GPC5: variants seen among roughly 807,000 people sequenced by gnomAD.
GPC5 encodes the protein glypican 5.
GPC5 carries 47 observed loss-of-function variants against 53.9 expected under a neutral mutation model. The ratio of observed to expected loss-of-function variants is 0.87; its 90% confidence interval spans 0.69 to 1.11. GPC5 has a LOEUF of 1.11. Among genes scored for constraint, GPC5 ranks in the 50% most tolerant of loss-of-function variants. The probability of loss-of-function intolerance (pLI) is 0.00; values close to 1 mark genes in which losing one functional copy is unlikely to be tolerated. For synonymous variants in GPC5, 286 were observed against 263.3 expected (o/e 1.09, Z -0.84); for missense variants, 748 against 713.1 (o/e 1.05, Z -0.56).
intron 3 of GPC5, among the ~76,000 whole-genome samples, chr13:91,695,077 C>T (rs2035850833): frequency 1.3e-5 from 2 of 152,166 alleles, no homozygotes. Context: ...AGAAATGACA[C>T]CTCCTTTAGG....
intron 7 of GPC5, among the ~76,000 whole-genome samples, chr13:92,487,608 C>G (rs1254863543): frequency 6.6e-6 from 1 of 152,004 alleles, no homozygotes; most frequent in African/African-American, 2.4e-5. Context: ...TATCATTGAA[C>G]AGTGGAAGTG....
chr13:92,388,081 T>G (rs1874820480), intron 7 of GPC5, among the ~76,000 whole-genome samples: 1 of 152,106 alleles, frequency 6.6e-6, no homozygotes, highest in Non-Finnish European at 1.5e-5. Context: ...CCTCTTAAAG[T>G]ATATCCTTTT....
intron 5 of GPC5, among the ~76,000 whole-genome samples, chr13:91,849,550 G>A (rs1203966228): frequency 6.6e-6 from 1 of 151,872 alleles, no homozygotes; most frequent in Non-Finnish European, 1.5e-5. Flanking sequence ...TGTGTATTCT[G>A]TTTGAATTAC....
intron 6 of GPC5, among the ~76,000 whole-genome samples, chr13:92,025,331 C>A (rs1293438798): frequency 6.6e-6 from 1 of 152,066 alleles, no homozygotes; most frequent in Non-Finnish European, 1.5e-5. Context: ...CTCTTCCACC[C>A]CTGATCTCTC....
At chr13:91,950,315 C>T (rs2040015821) in intron 6 of GPC5, among the ~76,000 whole-genome samples, 1 of 145,054 alleles carries the variant, frequency 6.9e-6, no homozygotes, top group Non-Finnish European at 1.5e-5. Context: ...CATTCTCTTC[C>T]TTCAGCCTGG....
At chr13:92,778,030 A>C (rs1875881701) in intron 7 of GPC5, among the ~76,000 whole-genome samples, 1 of 152,216 alleles carries the variant, frequency 6.6e-6, no homozygotes, top group Non-Finnish European at 1.5e-5. Context: ...ATTTGTTAGG[A>C]TAAACTATTG....
intron 5 of GPC5, among the ~76,000 whole-genome samples, chr13:91,818,189 T>C (rs1413913657): frequency 6.6e-6 from 1 of 152,198 alleles, no homozygotes; most frequent in African/African-American, 2.4e-5. Context: ...TACGAAAATA[T>C]TTGAAAAGAA....
intron 7 of GPC5, among the ~76,000 whole-genome samples, chr13:92,645,750 G>C (rs1303504657): frequency 1.3e-5 from 2 of 151,740 alleles, no homozygotes; most frequent in African/African-American, 4.8e-5. Context: ...TTTCCTTGTG[G>C]TTTTAATTTG....
chr13:91,477,333 G>A lies in GPC5; in HGVS notation c.325+28411G>A, dbSNP rs1882988820. ...TAAAATTTTCAGGGTTTGGAGAAAT[G>A]TTTTCAGCGGTATTACTGGGGAAAA... is the stretch of plus-strand genomic sequence containing the variant. On this transcript the variant is annotated intron_variant, in intron 2 of 7. Transcript: ENST00000377067. Among the ~76,000 whole-genome samples the A allele has an allele frequency of 4.6e-5, 7 of 152,104 alleles. No homozygotes were observed. In the South Asian group the frequency reaches 1.5e-3, roughly 32 times the overall value.
chr13:92,021,306 G>A (rs1486358992), intron 6 of GPC5, among the ~76,000 whole-genome samples: 2 of 152,160 alleles, frequency 1.3e-5, no homozygotes, highest in Non-Finnish European at 2.9e-5. Context: ...ATTTAAAAAG[G>A]AAATTCTACA....
At chr13:92,227,110 CAGA>C (rs2042492672) in intron 7 of GPC5, among the ~76,000 whole-genome samples, 1 of 152,160 alleles carries the variant, frequency 6.6e-6, no homozygotes, top group African/African-American at 2.4e-5. Context: ...CTTTCTGAAA[CAGA>C]GGAGGAATCT....
chr13:92,015,991 C>G (rs2040703459), intron 6 of GPC5, among the ~76,000 whole-genome samples: 1 of 152,168 alleles, frequency 6.6e-6, no homozygotes, highest in Non-Finnish European at 1.5e-5. Context: ...TTCTGCAGTG[C>G]AGGGAAATAA....
chr13:92,654,611 T>C (rs1305522120), intron 7 of GPC5, among the ~76,000 whole-genome samples: 1 of 152,176 alleles, frequency 6.6e-6, no homozygotes, highest in African/African-American at 2.4e-5. Flanking sequence ...CTGTTAAACC[T>C]TTATTACGAT....
chr13:92,039,809 C>G (rs900025755), intron 6 of GPC5, among the ~76,000 whole-genome samples: 1 of 152,056 alleles, frequency 6.6e-6, no homozygotes, highest in Non-Finnish European at 1.5e-5. Context: ...GAAATAAAAT[C>G]AGTCATATTG....
chr13:92,321,592 C>A (rs2043215861), intron 7 of GPC5, among the ~76,000 whole-genome samples: 1 of 151,800 alleles, frequency 6.6e-6, no homozygotes, highest in African/African-American at 2.4e-5. Context: ...CAGAGCGAGA[C>A]TCCATCTCAA....
intron 7 of GPC5, among the ~76,000 whole-genome samples, chr13:92,702,680 C>T (rs1759635076): frequency 6.6e-6 from 1 of 152,104 alleles, no homozygotes; most frequent in Admixed American, 6.6e-5. Flanking sequence ...GGTTCTTATA[C>T]TTCGGTCCAT....
rs761636058 is a variant in GPC5 at position 91,843,215 on chromosome 13, G to A, written c.1281-64722G>A. 4.6e-5 allele frequency among the ~76,000 whole-genome samples: 7 copies of A among 152,064 alleles called. No homozygotes were observed. The East Asian group carries it at 9.6e-4, about 21-fold the overall frequency. ...ATGTTTCTAAGTATTTATAGTCACC[G>A]CTCTAAGAAAGACAAATATACACAC... On this transcript the variant is annotated intron_variant, in intron 5 of 7. Transcript: ENST00000377067.
intron 7 of GPC5, among the ~76,000 whole-genome samples, chr13:92,808,055 C>A (rs1344039721): frequency 6.6e-6 from 1 of 152,022 alleles, no homozygotes; most frequent in Non-Finnish European, 1.5e-5. Flanking sequence ...TATTAGTTGG[C>A]ACCAACTCAG....
intron 7 of GPC5, among the ~76,000 whole-genome samples, chr13:92,178,505 ATAC>A (rs2042124119): frequency 6.6e-6 from 1 of 150,490 alleles, no homozygotes; most frequent in Non-Finnish European, 1.5e-5. Context: ...TACTATATAT[ATAC>A]TATTATTAAA....
Sources: gnomAD v4.1 joint callset for allele counts (sites outside exome capture counted in the v4.1 genomes callset) on GRCh38, gnomAD v4.1.1 for gene constraint, MANE v1.5 for transcripts, NCBI Gene and HGNC (gene_info 2026-07-23, HGNC 2026-07-21) for gene names.